MSI2: variants seen among roughly 807,000 people sequenced by gnomAD.
The protein encoded by MSI2 is RNA-binding protein Musashi homolog 2.
Under a neutral mutation model 45.6 loss-of-function variants are expected in MSI2, and 17 were observed. The ratio of observed to expected loss-of-function variants is 0.37; its 90% CI spans 0.26 to 0.56. The LOEUF (loss-of-function observed/expected upper bound fraction) is 0.56. Among genes scored for constraint, MSI2 ranks in the 20% least tolerant of loss-of-function variants. The pLI is 0.77. For synonymous variants in MSI2, 156 were observed against 158.2 expected, an observed-to-expected ratio of 0.99 and a Z score of 0.11; for missense variants, 293 against 444.2, an observed-to-expected ratio of 0.66 and a Z score of 3.06.
chr17:57,510,520 C>T (rs958395831), intron 6 of MSI2, among the ~76,000 whole-genome samples: 2 of 151,956 alleles, frequency 1.3e-5, no homozygotes, highest in Non-Finnish European at 2.9e-5. Context: ...CTCCGCCTCC[C>T]GGGTTCAAGT....
intron 8 of MSI2, among the ~76,000 whole-genome samples, chr17:57,600,566 C>T (rs1185117790): frequency 6.6e-6 from 1 of 152,170 alleles, no homozygotes; most frequent in African/African-American, 2.4e-5. Flanking sequence ...GAGTCTCTTC[C>T]TGGGCATTTT....
chr17:57,604,027 G>A (rs1456121377), intron 8 of MSI2, among the ~76,000 whole-genome samples: 1 of 152,256 alleles, frequency 6.6e-6, no homozygotes, highest in African/African-American at 2.4e-5. Context: ...GGAGCCCCCA[G>A]GTGGGGAGTG....
Position 57,379,035 on chromosome 17 carries a change from C to T in MSI2, c.313-22344C>T, listed in dbSNP as rs188821910. ...TTCAGTTGCCTACCTGGGTCTATCT[C>T]GCTTTTGCTCTTTTGCGTGTGTTCT... On this transcript the variant is annotated intron_variant, in intron 5 of 13. Transcript: ENST00000284073. 2.2e-3 allele frequency among the ~76,000 whole-genome samples: 333 copies of T among 152,168 alleles called. 1 individual carries two copies. The highest frequency in any genetic ancestry group is 7.6e-3 in the African/African-American group (315 of 41,504).
intron 6 of MSI2, among the ~76,000 whole-genome samples, chr17:57,463,050 A>T (rs912777151): frequency 6.6e-6 from 1 of 152,210 alleles, no homozygotes; most frequent in African/African-American, 2.4e-5. Context: ...TTTCATCGCA[A>T]CGAGTGCCCC....
Position 57,652,263 on chromosome 17 carries a change from A to C in MSI2, c.790+102A>C. 1 of 1,169,564 alleles carries C rather than the reference A, an allele frequency of 8.6e-7. No individual in the cohort carries two copies. The highest frequency in any genetic ancestry group is 1.2e-6 in the Non-Finnish European group (1 of 800,306). The allele number at this position is 1,169,564 out of a possible 1,614,324, so 72.4% of individuals were successfully genotyped here. ...TGTGTGGCTGCATCTGTCCAACACC[A>C]CTCTCACCACAGCCCCGGGGAGGGG... On this transcript the variant is annotated intron_variant, in intron 11 of 13. Coordinates refer to ENST00000284073, the MANE Select transcript of MSI2 (RefSeq NM_138962.4). This position sits in a 1 kb window ranked among gnomAD's most constrained non-coding sequence, Gnocchi z 4.1.
chr17:57,429,852 G>C (rs141839781), intron 6 of MSI2, among the ~76,000 whole-genome samples: 5 of 152,348 alleles, frequency 3.3e-5, no homozygotes, highest in African/African-American at 9.6e-5. Flanking sequence ...TCACTCTGCA[G>C]TTGTCACACT....
chr17:57,644,224 T>C (rs1225260371), intron 10 of MSI2, among the ~76,000 whole-genome samples: 1 of 151,766 alleles, frequency 6.6e-6, no homozygotes, highest in Non-Finnish European at 1.5e-5. Flanking sequence ...GTTTTTTTTT[T>C]TTTTTTTTTC....
intron 7 of MSI2, among the ~76,000 whole-genome samples, chr17:57,575,320 C>T (rs918327596): frequency 6.6e-6 from 1 of 152,076 alleles, no homozygotes; most frequent in Non-Finnish European, 1.5e-5. Flanking sequence ...GATGCTCAAA[C>T]GTCCTATCTT....
chr17:57,650,500 C>T (rs982627183), intron 10 of MSI2, among the ~76,000 whole-genome samples: 6 of 152,118 alleles, frequency 3.9e-5, no homozygotes, highest in African/African-American at 1.4e-4. Context: ...GGGGTCCCTC[C>T]CTTGGTCTCC....
At chr17:57,331,240 A>G (rs1018486929) in intron 5 of MSI2, among the ~76,000 whole-genome samples, 1 of 152,176 alleles carries the variant, frequency 6.6e-6, no homozygotes, top group Non-Finnish European at 1.5e-5. Flanking sequence ...AGAGCAGTTT[A>G]AATTAAATAA....
At chr17:57,664,006 T>TAA (rs113003145) in intron 11 of MSI2, among the ~76,000 whole-genome samples, 2,507 of 147,750 alleles carry the variant, frequency 0.017, 33 homozygotes, top group Non-Finnish European at 0.026. Context: ...ATTAACAGCT[T>TAA]AAAAAAAAAA....
chr17:57,377,061 C>G (rs2083511050), intron 5 of MSI2, among the ~76,000 whole-genome samples: 1 of 152,108 alleles, frequency 6.6e-6, no homozygotes, highest in Admixed American at 6.6e-5. Context: ...GCTGGGACTA[C>G]AGGCGCCCGC....
chr17:57,308,854 A>C (rs1385300809), intron 5 of MSI2, among the ~76,000 whole-genome samples: 1 of 152,268 alleles, frequency 6.6e-6, no homozygotes, highest in East Asian at 1.9e-4. Flanking sequence ...ATTGTTCATC[A>C]TTGAAGGCAG....
chr17:57,346,641 C>T (rs1470924953), intron 5 of MSI2, among the ~76,000 whole-genome samples: 4 of 152,086 alleles, frequency 2.6e-5, no homozygotes, highest in East Asian at 1.9e-4. Context: ...GACAGGGTCT[C>T]ACTGCATTCT....
chr17:57,667,208 T>C (rs1310583829), intron 11 of MSI2, among the ~76,000 whole-genome samples: 1 of 152,208 alleles, frequency 6.6e-6, no homozygotes, highest in Non-Finnish European at 1.5e-5. Context: ...CCTCCTTGTC[T>C]GTTATTCCTT....
At chr17:57,581,190 T>C (rs549932055) in intron 7 of MSI2, among the ~76,000 whole-genome samples, 1 of 152,106 alleles carries the variant, frequency 6.6e-6, no homozygotes, top group South Asian at 2.1e-4. Flanking sequence ...TTTTTGTATT[T>C]TTAGTAGAGA....
chr17:57,306,950 C>T (rs749222191), intron 5 of MSI2, among the ~76,000 whole-genome samples: 1 of 152,166 alleles, frequency 6.6e-6, no homozygotes, highest in Non-Finnish European at 1.5e-5. Flanking sequence ...ATTTGGTGTT[C>T]AGAAAGATTC....
At chr17:57,660,394 G>T (rs79901822) in intron 11 of MSI2, among the ~76,000 whole-genome samples, 592 of 152,248 alleles carry the variant, frequency 3.9e-3, no homozygotes, top group African/African-American at 0.014. Flanking sequence ...TGTAAGGATG[G>T]GTTCCCAAAG....
chr17:57,663,615 C>T (rs572115756), intron 11 of MSI2, among the ~76,000 whole-genome samples: 2 of 152,302 alleles, frequency 1.3e-5, no homozygotes, highest in South Asian at 4.1e-4. Context: ...GCAGCGTCAC[C>T]ATCCTTCAGA....
Sources: gnomAD v4.1 joint callset for allele counts (sites outside exome capture counted in the v4.1 genomes callset) on GRCh38, gnomAD v4.1.1 for gene constraint, Gnocchi (gnomAD v3.1) non-coding constraint, MANE v1.5 for transcripts, NCBI Gene and HGNC (gene_info 2026-07-23, HGNC 2026-07-21) for gene names.